The following TMEM163 variants were observed in gnomAD, a reference collection of about 807,000 sequenced individuals.
The protein encoded by TMEM163 is transmembrane protein 163.
A neutral mutation model predicts 29.3 loss-of-function variants in TMEM163; 17 were observed. That is an observed-to-expected ratio of 0.58 (90% CI 0.40 to 0.87). TMEM163 has a LOEUF of 0.87. Among genes scored for constraint, TMEM163 ranks in the 40% least tolerant of loss-of-function variants. The pLI is 0.00. For synonymous variants in TMEM163, 157 were observed against 160.6 expected (o/e 0.98, Z 0.17); for missense variants, 303 against 381.5 (o/e 0.79, Z 1.71).
chr2:134,582,394 G>A (rs954094970), intron 2 of TMEM163, among the ~76,000 whole-genome samples: 28 of 152,256 alleles, frequency 1.8e-4, no homozygotes, highest in Admixed American at 9.8e-4. Flanking sequence ...TCTACAAACC[G>A]CACGCTTTTT....
intron 2 of TMEM163, among the ~76,000 whole-genome samples, chr2:134,688,062 G>A (rs1242573030): frequency 6.6e-6 from 1 of 152,084 alleles, no homozygotes; most frequent in Non-Finnish European, 1.5e-5. Flanking sequence ...ACTACCGGCC[G>A]CTCAACACCA....
chr2:134,461,243 T>C (rs1261922548), intron 6 of TMEM163, among the ~76,000 whole-genome samples: 1 of 152,254 alleles, frequency 6.6e-6, no homozygotes, highest in Non-Finnish European at 1.5e-5. Context: ...GCTCCACCAG[T>C]CTGGCTTTGC....
At chr2:134,528,836 T>TA (rs1680351065) in intron 4 of TMEM163, among the ~76,000 whole-genome samples, 1 of 152,234 alleles carries the variant, frequency 6.6e-6, no homozygotes, top group African/African-American at 2.4e-5. Flanking sequence ...CCTTCACTGC[T>TA]ATGTTATAAT....
At chr2:134,509,683 G>A (rs748146071) in intron 4 of TMEM163, among the ~76,000 whole-genome samples, 2 of 152,218 alleles carry the variant, frequency 1.3e-5, no homozygotes, top group Admixed American at 6.5e-5. Flanking sequence ...CAGAGAGCAC[G>A]AATCTAGGAT....
chr2:134,661,759 G>T (rs1683755673), intron 2 of TMEM163, among the ~76,000 whole-genome samples: 2 of 152,002 alleles, frequency 1.3e-5, no homozygotes, highest in South Asian at 4.1e-4. Flanking sequence ...TTCTTGAGAA[G>T]GCACTTTGCC....
chr2:134,512,142 G>A (rs1321591674), intron 4 of TMEM163, among the ~76,000 whole-genome samples: 1 of 152,164 alleles, frequency 6.6e-6, no homozygotes, highest in Non-Finnish European at 1.5e-5. Context: ...GTAGAGAAAG[G>A]GGGCATTTAA....
chr2:134,487,894 A>G (rs2106481410), intron 5 of TMEM163, among the ~76,000 whole-genome samples: 1 of 152,324 alleles, frequency 6.6e-6, no homozygotes, highest in Non-Finnish European at 1.5e-5. Context: ...AACCTTTAAT[A>G]TCTTTTAAAA....
At chr2:134,478,009 G>A (rs558764123) in intron 5 of TMEM163, among the ~76,000 whole-genome samples, 5 of 152,146 alleles carry the variant, frequency 3.3e-5, no homozygotes, top group Non-Finnish European at 5.9e-5. Context: ...TTGATAGTGG[G>A]ATTATTATCA....
chr2:134,462,335 C>T (rs1325530073), intron 6 of TMEM163, among the ~76,000 whole-genome samples: 2 of 152,154 alleles, frequency 1.3e-5, no homozygotes, highest in African/African-American at 4.8e-5. Flanking sequence ...TCCCCACCAC[C>T]AATGACCAGA....
chr2:134,528,465 G>T (rs1680341532), intron 4 of TMEM163, among the ~76,000 whole-genome samples: 1 of 152,140 alleles, frequency 6.6e-6, no homozygotes, highest in African/African-American at 2.4e-5. Context: ...TTTTAACAAG[G>T]CATCTGATAA....
At chr2:134,639,013 G>T (rs1338432181) in intron 2 of TMEM163, among the ~76,000 whole-genome samples, 1 of 152,208 alleles carries the variant, frequency 6.6e-6, no homozygotes, top group Non-Finnish European at 1.5e-5. Flanking sequence ...CACCCAGGGA[G>T]AGAGGGGTAC....
rs1323094328 is a variant in TMEM163 at position 134,466,225 on chromosome 2, C to A, written c.556G>T (p.Asp186Tyr). 2 of 1,612,300 alleles carry A rather than the reference C, an allele frequency of 1.2e-6. No homozygotes were observed. Among genetic ancestry groups the A allele is most frequent in the Admixed American group, 1.7e-5 (1 of 59,864 alleles). The stretch of plus-strand genomic sequence containing the variant: ...ATGGAGACACTGAACAGGAAATCGT[C>A]CTGCAAGAGAAAGTTCCAGATTTCA... ...DLSTRLLPEV[D>Y]DFLFSVSILS... The change falls in exon 6 of 8, where the codon GAC becomes TAC. Residue 186 changes from aspartate (D) to tyrosine (Y), a missense_variant and splice_region_variant. Transcript: ENST00000281924.
intron 2 of TMEM163, among the ~76,000 whole-genome samples, chr2:134,596,938 A>G (rs139128103): frequency 0.013 from 1,907 of 152,140 alleles, 48 homozygotes; most frequent in African/African-American, 0.042. Flanking sequence ...GTATAAGAAT[A>G]CTTGTGATTT....
At chr2:134,601,932 G>A (rs1682244738) in intron 2 of TMEM163, among the ~76,000 whole-genome samples, 5 of 152,168 alleles carry the variant, frequency 3.3e-5, no homozygotes, top group Admixed American at 2.6e-4. Context: ...AAGGCAATGA[G>A]TAGATACCTG....
chr2:134,637,271 C>T (rs1683125197), intron 2 of TMEM163, among the ~76,000 whole-genome samples: 1 of 152,224 alleles, frequency 6.6e-6, no homozygotes, highest in East Asian at 1.9e-4. Context: ...CCAGTTCCCT[C>T]CCATACCCCA....
chr2:134,468,302 T>A (rs1237049164), intron 5 of TMEM163: 1 of 152,236 alleles, frequency 6.6e-6, no homozygotes, highest in Non-Finnish European at 1.5e-5. Context: ...CCCCTCCGCA[T>A]GTGAGGACAC....
intron 2 of TMEM163, among the ~76,000 whole-genome samples, chr2:134,680,528 C>A (rs1175686796): frequency 2.0e-5 from 3 of 152,182 alleles, no homozygotes; most frequent in African/African-American, 7.2e-5. Context: ...AAATCTTTCA[C>A]TTTCTTATTA....
In TMEM163 at chr2:134,627,015, C is replaced by T. The variant is rs181797824; in HGVS notation, c.323-74924G>A. 3.3e-5 allele frequency among the ~76,000 whole-genome samples: 5 copies of T among 152,330 alleles called. No individual in the cohort carries two copies. In the East Asian group the frequency reaches 7.7e-4, roughly 23 times the overall value. On this transcript the variant is annotated intron_variant, in intron 2 of 7. Transcript: ENST00000281924. ...TTAAGAGAGCCCATTTCACGCCACT[C>T]TTGCCAACACAGAATATTATACTTT...
intron 2 of TMEM163, among the ~76,000 whole-genome samples, chr2:134,661,789 A>G: frequency 6.6e-6 from 1 of 152,170 alleles, no homozygotes; most frequent in East Asian, 1.9e-4. Flanking sequence ...TTAGGAACCC[A>G]AAGGCCCTAG....
Sources: gnomAD v4.1 joint callset for allele counts (sites outside exome capture counted in the v4.1 genomes callset) on GRCh38, gnomAD v4.1.1 for gene constraint, MANE v1.5 for transcripts, NCBI Gene and HGNC (gene_info 2026-07-23, HGNC 2026-07-21) for gene names.